The following SYN1 variants were observed in gnomAD, a reference collection of about 807,000 sequenced individuals.
SYN1 encodes synapsin-1.
A neutral mutation model predicts 44.6 loss-of-function variants in SYN1; 8 were observed. The ratio of observed to expected loss-of-function variants is 0.18; its 90% CI spans 0.11 to 0.32. SYN1 has a LOEUF of 0.32. SYN1 is among the 10% of genes least tolerant of loss of function. SYN1 has a pLI of 1.00. For missense variants in SYN1, 451 were observed against 639.4 expected, an observed-to-expected ratio of 0.71 and a Z score of 3.18; for synonymous variants, 275 against 280.1, an observed-to-expected ratio of 0.98 and a Z score of 0.18.
intron 5 of SYN1, among the ~76,000 whole-genome samples, chrX:47,578,996 G>A (rs749135375): frequency 2.3e-4 from 26 of 111,992 alleles, no homozygotes; most frequent in African/African-American, 3.9e-4. Context: ...ATGCCGAGGC[G>A]GATGCATACA....
intron 5 of SYN1, chrX:47,582,326 G>A (rs1326923397): frequency 5.9e-6 from 1 of 170,686 alleles, no homozygotes; most frequent in Non-Finnish European, 1.2e-5. Flanking sequence ...TGCACTGATG[G>A]TGGGTGGATG....
chrX:47,587,758 G>A (rs899755489), intron 5 of SYN1, among the ~76,000 whole-genome samples: 1 of 110,981 alleles, frequency 9.0e-6, no homozygotes, highest in Non-Finnish European at 1.9e-5. Context: ...GCGGGGTCCA[G>A]TCCCTGGCTC....
intron 1 of SYN1, among the ~76,000 whole-genome samples, chrX:47,617,143 A>C (rs1378498312): frequency 1.8e-5 from 2 of 111,630 alleles, no homozygotes; most frequent in Non-Finnish European, 3.8e-5. Flanking sequence ...GAAAGGATGC[A>C]ATAAATATCT....
chrX:47,582,589 G>A (rs1486673330), intron 5 of SYN1: 2 of 364,997 alleles, frequency 5.5e-6, no homozygotes, highest in African/African-American at 2.6e-5. Context: ...CTTGGCCTGC[G>A]GGTACCAGGA....
chrX:47,597,613 G>A (rs2057867669), intron 5 of SYN1, among the ~76,000 whole-genome samples: 1 of 111,204 alleles, frequency 9.0e-6, no homozygotes, highest in South Asian at 3.8e-4. Flanking sequence ...AAAGGTGCAA[G>A]AAAGACTATT....
At chrX:47,573,642 G>C (rs925882273) in intron 12 of SYN1, among the ~76,000 whole-genome samples, 5 of 110,773 alleles carry the variant, frequency 4.5e-5, no homozygotes, top group African/African-American at 9.9e-5. Context: ...GGTTGGTGGC[G>C]GGGGGGCGAG....
chrX:47,575,989 G>C, intron 9 of SYN1, 142 bp downstream of exon 9: 1 of 610,166 alleles, frequency 1.6e-6, no homozygotes, highest in African/African-American at 2.2e-5. Context: ...TGGCCCCTTC[G>C]AAAGTTCGTC....
chrX:47,587,120 T>G (rs2070584), intron 5 of SYN1, among the ~76,000 whole-genome samples: 49,478 of 111,830 alleles, frequency 0.44, 7,745 homozygotes, highest in South Asian at 0.51. Flanking sequence ...ATCACTGCCT[T>G]ACTGGAAATT....
intron 5 of SYN1, among the ~76,000 whole-genome samples, chrX:47,602,828 A>G (rs998587544): frequency 2.7e-5 from 3 of 111,603 alleles, no homozygotes; most frequent in African/African-American, 9.8e-5. Flanking sequence ...AATTTTAGTC[A>G]TAAAATTGGT....
chrX:47,617,281 G>T (rs2057934074), intron 1 of SYN1, among the ~76,000 whole-genome samples: 1 of 111,103 alleles, frequency 9.0e-6, no homozygotes, highest in Non-Finnish European at 1.9e-5. Context: ...CCTAGAGAGA[G>T]AGCTCTTGAG....
At chrX:47,612,451 C>T (rs1233935599) in intron 1 of SYN1, among the ~76,000 whole-genome samples, 1 of 111,335 alleles carries the variant, frequency 9.0e-6, no homozygotes, top group Non-Finnish European at 1.9e-5. Context: ...ATGTCTTCCA[C>T]ACTGTTGTGC....
chrX:47,574,829 G>A, intron 10 of SYN1, 54 bp from the exon 11 acceptor site: 2 of 1,054,441 alleles, frequency 1.9e-6, no homozygotes, highest in African/African-American at 1.8e-5. Flanking sequence ...AGCCAGTGGA[G>A]CATCAGCCAG....
rs2057943098 is a variant in SYN1, at chrX:47,619,845, C to T, written c.-117G>A. On this transcript the variant is annotated 5_prime_UTR_variant, in exon 1 of 13. Transcript: ENST00000295987. Reference sequence around the variant, plus strand: ...CAGGCACGACACGACTCCTCCGCTGCCCACCGCAGACTGAGGCAGCGCTGA... The same window carrying T: ...CAGGCACGACACGACTCCTCCGCTGTCCACCGCAGACTGAGGCAGCGCTGA... The T allele has an allele frequency of 1.2e-6, 1 of 817,730 alleles. No individual in the cohort carries two copies. The highest frequency in any genetic ancestry group is 1.7e-6 in the Non-Finnish European group (1 of 594,003). 67.4% of individuals were successfully genotyped at this position (817,730 alleles called of 1,213,427 possible). A position where few individuals can be genotyped will look rare whatever the true frequency, so the allele number is the denominator to read the frequency against.
chrX:47,579,408 T>C (rs73496211), intron 5 of SYN1, among the ~76,000 whole-genome samples: 6,672 of 110,385 alleles, frequency 0.06, 458 homozygotes, highest in African/African-American at 0.19. Context: ...GGACACAACC[T>C]CTCCCTGAGC....
intron 1 of SYN1, among the ~76,000 whole-genome samples, chrX:47,617,146 AAAT>A (rs889138371): frequency 5.4e-5 from 6 of 111,595 alleles, no homozygotes; most frequent in African/African-American, 2.0e-4. Context: ...AGGATGCAAT[AAAT>A]ATCTGCAGAA....
intron 5 of SYN1, among the ~76,000 whole-genome samples, chrX:47,600,532 T>C (rs1279316775): frequency 2.7e-5 from 3 of 111,691 alleles, no homozygotes; most frequent in African/African-American, 9.8e-5. Context: ...TATAAACCAA[T>C]TAGACCTCAT....
In SYN1 at chrX:47,574,016, C is replaced by T. The variant is rs199844514; in HGVS notation, c.1968G>A (p.Pro656=). The change falls in exon 12 of 13, where the codon CCG becomes CCA. Residue 656 remains proline (P), a synonymous_variant. Transcript: ENST00000295987. ...PPATAAAGGP[P]HPQLNKSQSL... ...GGTCCCCTTACTTGAGCTGGGGGTG[C>T]GGAGGTCCCCCTGCAGCGGCGGTGG... 132 of 1,144,087 alleles carry T rather than the reference C, an allele frequency of 1.2e-4. No individual in the cohort carries two copies. The East Asian group carries it at 2.4e-3, about 21-fold the overall frequency. 94.3% of individuals were successfully genotyped at this position (1,144,087 alleles called of 1,213,427 possible).
chrX:47,611,430 C>T (rs4824624), intron 1 of SYN1, among the ~76,000 whole-genome samples: 41,044 of 110,954 alleles, frequency 0.37, 5,953 homozygotes, highest in African/African-American at 0.54. Context: ...ATACTGGACA[C>T]GCTGTCATTG....
Position 47,585,434 on chromosome X carries a change from A to C in SYN1, c.775-7933T>G, listed in dbSNP as rs757443389. ...CTCTGATGGGAATGGTCCCACTGGAAATGGGGACCACCCCAATTTCAGTCT... is the reference window on the plus strand; with the variant it reads ...CTCTGATGGGAATGGTCCCACTGGACATGGGGACCACCCCAATTTCAGTCT... On this transcript the variant is annotated intron_variant, in intron 5 of 12. Coordinates refer to ENST00000295987, the MANE Select transcript of SYN1 (RefSeq NM_006950.3). 6 of 1,193,560 alleles carry C rather than the reference A, an allele frequency of 5.0e-6. No individual in the cohort carries two copies. In the South Asian group the frequency reaches 1.1e-4, roughly 22 times the overall value.
Sources: gnomAD v4.1 joint callset for allele counts (sites outside exome capture counted in the v4.1 genomes callset) on GRCh38, gnomAD v4.1.1 for gene constraint, MANE v1.5 for transcripts, NCBI Gene and HGNC (gene_info 2026-07-23, HGNC 2026-07-21) for gene names.